TMEM178A: variants seen among roughly 807,000 people sequenced by gnomAD.
TMEM178A encodes transmembrane protein 178.
Under a neutral mutation model 29.1 loss-of-function variants are expected in TMEM178A, and 12 were observed. The ratio of observed to expected loss-of-function variants is 0.41; its 90% CI spans 0.26 to 0.67. The LOEUF is 0.67. TMEM178A is among the 30% of genes least tolerant of loss of function. The probability of loss-of-function intolerance (pLI) is 0.29; values close to 1 mark genes in which losing one functional copy is unlikely to be tolerated. For missense variants in TMEM178A, 366 were observed against 419.1 expected (o/e 0.87, Z 1.11); for synonymous variants, 210 against 187.2 (o/e 1.12, Z -0.99).
At chr2:39,679,609 C>G (rs1670785520) in intron 1 of TMEM178A, among the ~76,000 whole-genome samples, 1 of 152,128 alleles carries the variant, frequency 6.6e-6, no homozygotes, top group African/African-American at 2.4e-5. Flanking sequence ...GAAGTCACTA[C>G]CTTCAAGAAA....
At chr2:39,665,561 G>C (rs536132049), upstream of TMEM178A, 43 of 177,684 alleles carry the variant, frequency 2.4e-4, no homozygotes, top group South Asian at 7.6e-4. Context: ...GTTAAGGGGA[G>C]AGAGGAGGAT....
intron 1 of TMEM178A, among the ~76,000 whole-genome samples, chr2:39,688,563 C>G (rs982345003): frequency 3.3e-5 from 5 of 152,224 alleles, no homozygotes; most frequent in Non-Finnish European, 7.3e-5. Flanking sequence ...AATTTGTACA[C>G]TTTATTGCCC....
intron 1 of TMEM178A, among the ~76,000 whole-genome samples, chr2:39,703,709 C>G (rs1024035919): frequency 6.6e-6 from 1 of 152,098 alleles, no homozygotes; most frequent in African/African-American, 2.4e-5. Flanking sequence ...TGAGGCTACC[C>G]TTGAGAGTTT....
intron 1 of TMEM178A, among the ~76,000 whole-genome samples, chr2:39,682,306 A>G (rs918844430): frequency 2.6e-5 from 4 of 152,072 alleles, no homozygotes; most frequent in Admixed American, 6.5e-5. Flanking sequence ...CTATGATGTA[A>G]TGCCTAGGTT....
intron 1 of TMEM178A, among the ~76,000 whole-genome samples, chr2:39,700,404 C>A (rs923859123): frequency 6.6e-6 from 1 of 151,976 alleles, no homozygotes; most frequent in African/African-American, 2.4e-5. Flanking sequence ...ATGGATAGAC[C>A]CATTTATCAT....
intron 1 of TMEM178A, among the ~76,000 whole-genome samples, chr2:39,693,260 C>T (rs1671401011): frequency 6.6e-6 from 1 of 152,188 alleles, no homozygotes; most frequent in Non-Finnish European, 1.5e-5. Context: ...TTTGTAAAAA[C>T]AATAGCATTA....
At chr2:39,675,116 C>G (rs566873874) in intron 1 of TMEM178A, among the ~76,000 whole-genome samples, 130 of 152,212 alleles carry the variant, frequency 8.5e-4, no homozygotes, top group Non-Finnish European at 1.4e-3. Context: ...AGCATAATCT[C>G]AAATGGGTTT....
intron 1 of TMEM178A, among the ~76,000 whole-genome samples, chr2:39,689,805 AC>A (rs1671234397): frequency 6.6e-6 from 1 of 152,182 alleles, no homozygotes; most frequent in South Asian, 2.1e-4. Flanking sequence ...TGTTAAGAAT[AC>A]CCCTGTGGTA....
At chr2:39,712,883 A>G (rs1447676561) in intron 3 of TMEM178A, among the ~76,000 whole-genome samples, 1 of 152,224 alleles carries the variant, frequency 6.6e-6, no homozygotes, top group Non-Finnish European at 1.5e-5. Context: ...CCTTGCATTA[A>G]TTAGATTGCT....
intron 1 of TMEM178A, among the ~76,000 whole-genome samples, chr2:39,700,033 T>A (rs1671712667): frequency 6.6e-6 from 1 of 152,228 alleles, no homozygotes; most frequent in African/African-American, 2.4e-5. Context: ...TTAATGTTTT[T>A]AAATTTATTG....
chr2:39,668,067 G>A (rs564369267), intron 1 of TMEM178A, among the ~76,000 whole-genome samples: 1 of 152,284 alleles, frequency 6.6e-6, no homozygotes, highest in East Asian at 1.9e-4. Flanking sequence ...GAAACAGCAG[G>A]GCAGAGTCAA....
chr2:39,731,614 A>G, the TMEM178A span, among the ~76,000 whole-genome samples: 1 of 152,208 alleles, frequency 6.6e-6, no homozygotes, highest in African/African-American at 2.4e-5. Context: ...ATCTACCGAC[A>G]TGACCCAAAT....
At chr2:39,731,504 ACTT>A in the TMEM178A span, among the ~76,000 whole-genome samples, 1 of 152,206 alleles carries the variant, frequency 6.6e-6, no homozygotes, top group African/African-American at 2.4e-5. Flanking sequence ...AGGAAGCAGA[ACTT>A]CTTTTACAAC....
intron 3 of TMEM178A, among the ~76,000 whole-genome samples, chr2:39,715,580 A>G (rs1259787440): frequency 6.6e-6 from 1 of 152,254 alleles, no homozygotes; most frequent in Non-Finnish European, 1.5e-5. Flanking sequence ...AGAAGTCAGA[A>G]GAAAAGATTT....
At chr2:39,693,906 A>C (rs1671430387) in intron 1 of TMEM178A, among the ~76,000 whole-genome samples, 1 of 151,684 alleles carries the variant, frequency 6.6e-6, no homozygotes, top group Non-Finnish European at 1.5e-5. Flanking sequence ...GACAGATTCC[A>C]CTGTTGCACA....
chr2:39,681,794 A>C (rs1670880278), intron 1 of TMEM178A, among the ~76,000 whole-genome samples: 1 of 152,330 alleles, frequency 6.6e-6, no homozygotes, highest in African/African-American at 2.4e-5. Context: ...TCTCTCACAA[A>C]ACTCAGAGCA....
chr2:39,677,681 A>T (rs947822385), intron 1 of TMEM178A, among the ~76,000 whole-genome samples: 3 of 152,182 alleles, frequency 2.0e-5, no homozygotes, highest in Non-Finnish European at 2.9e-5. Context: ...TGGTCATCTC[A>T]GCAGGAATGT....
chr2:39,685,204 ACTT>A (rs1454145470), intron 1 of TMEM178A, among the ~76,000 whole-genome samples: 1 of 151,866 alleles, frequency 6.6e-6, no homozygotes, highest in East Asian at 1.9e-4. Context: ...CTTTCTAGCA[ACTT>A]CTTCAGTGAT....
At chr2:39,684,278 AT>A (rs903456362) in intron 1 of TMEM178A, among the ~76,000 whole-genome samples, 15 of 150,628 alleles carry the variant, frequency 1.0e-4, no homozygotes, top group South Asian at 8.4e-4. Flanking sequence ...TGGAGTTTAA[AT>A]TTTTTTTTTC....
Sources: gnomAD v4.1 joint callset for allele counts (sites outside exome capture counted in the v4.1 genomes callset) on GRCh38, gnomAD v4.1.1 for gene constraint, MANE v1.5 for transcripts, NCBI Gene and HGNC (gene_info 2026-07-23, HGNC 2026-07-21) for gene names.